Variants in ADGRL3 observed in about 807,000 individuals in gnomAD.
ADGRL3 encodes the protein adhesion G protein-coupled receptor L3.
A neutral mutation model predicts 153.5 loss-of-function variants in ADGRL3; 62 were observed. The observed-to-expected ratio is 0.40, with a 90% CI of 0.33 to 0.50. The LOEUF (loss-of-function observed/expected upper bound fraction) is 0.50. Among genes scored for constraint, ADGRL3 ranks in the 20% least tolerant of loss-of-function variants. The pLI is 0.47. For synonymous variants in ADGRL3, 710 were observed against 672.5 expected, an observed-to-expected ratio of 1.06 and a Z score of -0.86; for missense variants, 1,641 against 1,859.4, an observed-to-expected ratio of 0.88 and a Z score of 2.16.
chr4:61,303,369 G>A (rs1467052741), intron 1 of ADGRL3, among the ~76,000 whole-genome samples: 2 of 152,116 alleles, frequency 1.3e-5, no homozygotes, highest in Non-Finnish European at 1.5e-5. Context: ...TAGTGCATGC[G>A]AAGTGCTTAG....
At chr4:62,042,083 T>A (rs1728636298) in intron 24 of ADGRL3, among the ~76,000 whole-genome samples, 1 of 152,026 alleles carries the variant, frequency 6.6e-6, no homozygotes, top group Admixed American at 6.6e-5. Flanking sequence ...TAGAAAAAAT[T>A]AATTTATATA....
chr4:61,809,505 C>T (rs558454044), intron 8 of ADGRL3, among the ~76,000 whole-genome samples: 1 of 151,978 alleles, frequency 6.6e-6, no homozygotes, highest in Non-Finnish European at 1.5e-5. Context: ...CAGATATTAC[C>T]TCTTGTCATC....
intron 1 of ADGRL3, among the ~76,000 whole-genome samples, chr4:61,285,754 C>G (rs150477919): frequency 4.0e-5 from 6 of 151,840 alleles, no homozygotes; most frequent in African/African-American, 1.4e-4. Flanking sequence ...CCTTACAGGC[C>G]TGTGAACTTG....
At chr4:61,737,664 T>C (rs2096535084) in intron 8 of ADGRL3, among the ~76,000 whole-genome samples, 1 of 152,218 alleles carries the variant, frequency 6.6e-6, no homozygotes, top group Non-Finnish European at 1.5e-5. Flanking sequence ...AGATTTGCAG[T>C]AACCCTACAA....
intron 14 of ADGRL3, 60 bp downstream of exon 14, chr4:61,935,083 G>GA: frequency 7.0e-7 from 1 of 1,427,038 alleles, no homozygotes; most frequent in South Asian, 1.2e-5. Flanking sequence ...AGAGGGAAAA[G>GA]AAAAAAGTAT....
intron 8 of ADGRL3, among the ~76,000 whole-genome samples, chr4:61,779,519 A>G (rs577766832): frequency 6.6e-6 from 1 of 151,238 alleles, no homozygotes; most frequent in Non-Finnish European, 1.5e-5. Flanking sequence ...CTGTAATCCC[A>G]GCTACTCAGG....
chr4:61,981,317 T>C lies in ADGRL3; in HGVS notation c.3015+1545T>C, dbSNP rs550143672. Among the ~76,000 whole-genome samples, 183 of 152,296 alleles carry C rather than the reference T, an allele frequency of 1.2e-3. 1 individual carries two copies. The highest frequency in any genetic ancestry group is 4.0e-3 in the African/African-American group (165 of 41,562). On this transcript the variant is annotated intron_variant, in intron 18 of 26. Coordinates refer to ENST00000683033, the MANE Select transcript of ADGRL3 (RefSeq NM_001387552.1). The stretch of plus-strand genomic sequence containing the variant: ...TATGCCTTAAAAACAGCCAATATTA[T>C]ATTAAAATCTGCAGGTCTAAAATGG...
chr4:61,726,280 C>A (rs974685149), intron 6 of ADGRL3, among the ~76,000 whole-genome samples: 1 of 144,464 alleles, frequency 6.9e-6, no homozygotes, highest in African/African-American at 2.6e-5. Context: ...CTCACTGCAA[C>A]CTCTGCCTTT....
At chr4:61,203,255 A>T (rs1163466303) in intron 1 of ADGRL3, among the ~76,000 whole-genome samples, 1 of 152,182 alleles carries the variant, frequency 6.6e-6, no homozygotes. Context: ...ATATCATAGC[A>T]GTTGGGAGAA....
At chr4:61,867,469 C>T (rs575779152) in intron 9 of ADGRL3, among the ~76,000 whole-genome samples, 36 of 140,188 alleles carry the variant, frequency 2.6e-4, no homozygotes, top group African/African-American at 9.4e-4. Context: ...CGCTGCACTC[C>T]AGCCTGGGCG....
intron 1 of ADGRL3, among the ~76,000 whole-genome samples, chr4:61,215,115 A>G (rs1424867239): frequency 6.6e-6 from 1 of 152,212 alleles, no homozygotes; most frequent in Non-Finnish European, 1.5e-5. Context: ...ACTTTAAACA[A>G]TATCTTTGAG....
intron 4 of ADGRL3, among the ~76,000 whole-genome samples, chr4:61,540,355 C>G (rs78738865): frequency 0.02 from 3,097 of 152,144 alleles, 95 homozygotes; most frequent in African/African-American, 0.069. Context: ...TCAACACCAG[C>G]CTGGCCAATT....
intron 17 of ADGRL3, among the ~76,000 whole-genome samples, chr4:61,976,029 A>T (rs1052120046): frequency 6.6e-6 from 1 of 152,200 alleles, no homozygotes; most frequent in African/African-American, 2.4e-5. Context: ...GCTCTAAAGC[A>T]TTTAGCCTAA....
chr4:61,998,244 C>G lies in ADGRL3; in HGVS notation c.3374C>G (p.Ser1125Ter). Residue 1125 changes from serine (S) to a stop codon, truncating the protein, a stop_gained, in exon 21 of 27, where the codon TCA becomes TGA. Transcript: ENST00000683033. LOFTEE classifies it high-confidence loss of function. The part of the protein sequence containing the change: ...FHHTAILKPE[S>*]GCLDNINYED... ...CATACTGCTATACTGAAACCTGAAT[C>G]AGGCTGTCTTGATAACATCAAGTAA... The G allele has an allele frequency of 6.3e-7, 1 of 1,576,850 alleles. No homozygotes were observed. Among genetic ancestry groups the G allele is most frequent in the Non-Finnish European group, 8.6e-7 (1 of 1,161,538 alleles).
chr4:61,315,460 A>G (rs570534082), intron 1 of ADGRL3, among the ~76,000 whole-genome samples: 2 of 152,256 alleles, frequency 1.3e-5, no homozygotes, highest in East Asian at 3.9e-4. Context: ...GAGGCTCAGG[A>G]TGTTAGGCAA....
chr4:61,362,657 A>T (rs996914621), intron 1 of ADGRL3, among the ~76,000 whole-genome samples: 32 of 152,140 alleles, frequency 2.1e-4, no homozygotes, highest in African/African-American at 6.5e-4. Context: ...CTGGAAGTGG[A>T]TCATCATAAA....
intron 6 of ADGRL3, among the ~76,000 whole-genome samples, chr4:61,691,604 T>G (rs943910924): frequency 6.6e-6 from 1 of 152,158 alleles, no homozygotes; most frequent in Non-Finnish European, 1.5e-5. Flanking sequence ...TAAAACAGTT[T>G]CCAGCACACA....
intron 25 of ADGRL3, among the ~76,000 whole-genome samples, chr4:62,049,586 G>A (rs1409692895): frequency 6.6e-6 from 1 of 152,070 alleles, no homozygotes; most frequent in African/African-American, 2.4e-5. Flanking sequence ...GTAAAATTGC[G>A]ATTTCCTATG....
At chr4:61,863,621 C>T (rs966750304) in intron 9 of ADGRL3, among the ~76,000 whole-genome samples, 1 of 152,150 alleles carries the variant, frequency 6.6e-6, no homozygotes, top group African/African-American at 2.4e-5. Context: ...CAAACAGACA[C>T]ACATATATGT....
Sources: gnomAD v4.1 joint callset for allele counts (sites outside exome capture counted in the v4.1 genomes callset) on GRCh38, gnomAD v4.1.1 for gene constraint, MANE v1.5 for transcripts, NCBI Gene and HGNC (gene_info 2026-07-23, HGNC 2026-07-21) for gene names.